RARS1: variants seen among roughly 807,000 people sequenced by gnomAD.
The protein encoded by RARS1 is arginine--tRNA ligase, cytoplasmic.
RARS1 carries 75 observed loss-of-function variants against 78.7 expected under a neutral mutation model. The observed-to-expected ratio is 0.95, with a 90% confidence interval of 0.79 to 1.15. RARS1 has a LOEUF of 1.15. Among genes scored for constraint, RARS1 ranks in the 50% most tolerant of loss-of-function variants. The probability of loss-of-function intolerance (pLI) is 0.00; values close to 1 mark genes in which losing one functional copy is unlikely to be tolerated. For missense variants in RARS1, 787 were observed against 787.5 expected (o/e 1.00, Z 0.01); for synonymous variants, 273 against 268.2 (o/e 1.02, Z -0.18).
At chr5:168,512,390 T>G (rs1758581162) in intron 12 of RARS1, among the ~76,000 whole-genome samples, 1 of 152,120 alleles carries the variant, frequency 6.6e-6, no homozygotes, top group South Asian at 2.1e-4. Context: ...TTAACTTTAT[T>G]AAAAATTGCC....
At chr5:168,491,483 C>A (rs532257731) in intron 2 of RARS1, among the ~76,000 whole-genome samples, 12 of 152,206 alleles carry the variant, frequency 7.9e-5, no homozygotes, top group African/African-American at 2.6e-4. Flanking sequence ...AGAGAGGAGT[C>A]AATTATTGAT....
chr5:168,517,440 G>C (rs928146726), intron 13 of RARS1, among the ~76,000 whole-genome samples: 1 of 152,202 alleles, frequency 6.6e-6, no homozygotes, highest in Non-Finnish European at 1.5e-5. Flanking sequence ...ATCACGCTCA[G>C]CCTAAAGTGT....
chr5:168,489,641 G>A (rs1758041072), intron 2 of RARS1, among the ~76,000 whole-genome samples: 1 of 151,878 alleles, frequency 6.6e-6, no homozygotes, highest in Admixed American at 6.6e-5. Flanking sequence ...TTTCGTATTT[G>A]GTGATGACAT....
chr5:168,500,549 T>A, intron 7 of RARS1, 42 bp from the exon 8 acceptor site: 1 of 1,399,410 alleles, frequency 7.1e-7, no homozygotes, highest in Non-Finnish European at 9.3e-7. Flanking sequence ...CAGGATTAGA[T>A]CTTTTTACAC....
chr5:168,489,691 G>A (rs1490354360), intron 2 of RARS1, among the ~76,000 whole-genome samples: 1 of 151,794 alleles, frequency 6.6e-6, no homozygotes, highest in Non-Finnish European at 1.5e-5. Context: ...TTATTCTCCT[G>A]TGTGTATATA....
intron 11 of RARS1, 97 bp from the exon 12 acceptor site, chr5:168,510,484 G>A: frequency 2.4e-6 from 2 of 817,144 alleles, no homozygotes; most frequent in Non-Finnish European, 4.0e-6. Flanking sequence ...AACATATGTT[G>A]CAGTTTTGTG....
At chr5:168,487,750 T>C (rs1307292912) in intron 1 of RARS1, among the ~76,000 whole-genome samples, 1 of 152,232 alleles carries the variant, frequency 6.6e-6, no homozygotes, top group African/African-American at 2.4e-5. Context: ...AGTTGGAAGC[T>C]TTATTTCTTT....
At position 168,518,080 on chromosome 5, in the gene RARS1, T is replaced by TTTTTTTTTC; in HGVS notation, c.1873+26_1873+27insCTTTTTTTT. 1 of 1,416,150 alleles carries TTTTTTTTTC rather than the reference T, an allele frequency of 7.1e-7. No individual in the cohort carries two copies. The highest frequency in any genetic ancestry group is 9.2e-7 in the Non-Finnish European group (1 of 1,089,038). 87.7% of individuals were successfully genotyped at this position (1,416,150 alleles called of 1,614,324 possible). A position where few individuals can be genotyped will look rare whatever the true frequency, so the allele number is the denominator to read the frequency against. ...ACAGACTGGTGAGTGTCTTTTTTTT[T>TTTTTTTTTC]TTTTTTTTTTTTTTTAGTGAGAGAC... On this transcript the variant is annotated intron_variant, in intron 14 of 14. Transcript: ENST00000231572.
In RARS1 at chr5:168,502,082, T is replaced by C; in HGVS notation, c.1034T>C (p.Ile345Thr). 1.2e-6 allele frequency: 2 copies of C among 1,603,560 alleles called. No homozygotes were observed. The highest frequency in any genetic ancestry group is 1.7e-6 in the Non-Finnish European group (2 of 1,175,304). The change falls in exon 9 of 15, where the codon ATT becomes ACT. Residue 345 changes from isoleucine to threonine, a missense_variant. Coordinates refer to ENST00000231572, the MANE Select transcript of RARS1 (RefSeq NM_002887.4). ...TTCTATCAAGATAGGATGAATGATA[T>C]TGTAAAGGAATTTGAAGATAGAGGT... is the stretch of plus-strand genomic sequence containing the variant. ...ESFYQDRMND[I>T]VKEFEDRGFV...
At chr5:168,509,869 G>A (rs1328839602) in intron 11 of RARS1, among the ~76,000 whole-genome samples, 2 of 151,996 alleles carry the variant, frequency 1.3e-5, no homozygotes, top group Non-Finnish European at 2.9e-5. Context: ...TACTTGGGAG[G>A]GTAAGGTAGA....
chr5:168,494,384 A>T (rs13182927), intron 4 of RARS1, 166 bp from the exon 5 acceptor site: 1 of 985,078 alleles, frequency 1.0e-6, no homozygotes, highest in Non-Finnish European at 1.2e-6. Context: ...CTTGAAGTAG[A>T]CGGTGAGACA....
chr5:168,509,214 T>G (rs1758513088), intron 11 of RARS1, among the ~76,000 whole-genome samples: 1 of 152,202 alleles, frequency 6.6e-6, no homozygotes, highest in Non-Finnish European at 1.5e-5. Context: ...GTTGAACACT[T>G]AAGAAGAAGT....
intron 10 of RARS1, 112 bp from the exon 11 acceptor site, chr5:168,506,609 CA>C (rs1758451598): frequency 1.3e-6 from 1 of 757,686 alleles, no homozygotes; most frequent in Non-Finnish European, 2.1e-6. Flanking sequence ...ACTTGTCTCA[CA>C]AGATTTATGA....
rs1368755034 is a variant in RARS1 at position 168,508,313 on chromosome 5, CT to C, written c.1346+1494del. Among the ~76,000 whole-genome samples, 131 of 143,566 alleles carry C rather than the reference CT, an allele frequency of 9.1e-4. 1 individual carries two copies. The highest frequency in any genetic ancestry group is 1.1e-3 in the Admixed American group (16 of 14,268). The allele number at this position is 143,566 out of a possible 152,430, so 94.2% of individuals were successfully genotyped here. A position where few individuals can be genotyped will look rare whatever the true frequency, so the allele number is the denominator to read the frequency against. The stretch of plus-strand genomic sequence containing the variant: ...AGTTATAGTATCCTATCCCACCCGC[CT>C]TTTTTTTTTTTATTTTTTAAATTTT... On this transcript the variant is annotated intron_variant, in intron 11 of 14. Coordinates refer to ENST00000231572, the MANE Select transcript of RARS1 (RefSeq NM_002887.4).
At chr5:168,513,630 TCTTAGG>T (rs2113029200) in intron 12 of RARS1, among the ~76,000 whole-genome samples, 1 of 151,650 alleles carries the variant, frequency 6.6e-6, no homozygotes, top group East Asian at 1.9e-4. Flanking sequence ...GACTGCCTTT[TCTTAGG>T]CTTATTGGTC....
rs769624083 is a variant in RARS1 at position 168,488,637 on chromosome 5, C to G, written c.81C>G (p.Asp27Glu). 1.2e-6 allele frequency: 2 copies of G among 1,609,892 alleles called. No homozygotes were observed. The highest frequency in any genetic ancestry group is 1.7e-6 in the Non-Finnish European group (2 of 1,179,150). ...TTAAATCTCTGACTGCTGAAATTGA[C>G]CGGTTGAAAAACTGTGGCTGTTTAG... Reference protein sequence around the residue: ...EEIKSLTAEIDRLKNCGCLGA... With the variant: ...EEIKSLTAEIERLKNCGCLGA... Residue 27 changes from aspartate (D) to glutamate (E), a missense_variant, in exon 2 of 15, where the codon GAC becomes GAG. Physicochemically the swap from Asp to Glu is conservative, Grantham distance 45. Coordinates refer to ENST00000231572, the MANE Select transcript of RARS1 (RefSeq NM_002887.4).
chr5:168,492,698 A>T lies in RARS1; in HGVS notation c.220A>T (p.Ile74Phe). The change falls in exon 3 of 15, where the codon ATT (isoleucine) becomes TTT (phenylalanine). Residue 74 changes from isoleucine (I) to phenylalanine (F), a missense_variant. Transcript: ENST00000231572. ...AERNKPTKNM[I>F]NIISRLQEVF... ...AAGGAACAAACCAACTAAAAATATG[A>T]TTAACATTATTAGCCGCCTACAAGA... 6.2e-7 allele frequency: 1 copy of T among 1,611,390 alleles called. No homozygotes were observed. The highest frequency in any genetic ancestry group is 2.2e-5 in the East Asian group (1 of 44,828).
chr5:168,492,922 ATAC>A, intron 3 of RARS1, 75 bp downstream of exon 3: 1 of 1,281,516 alleles, frequency 7.8e-7, no homozygotes. Context: ...TACAGAAATA[ATAC>A]TATTACAAGT....
At chr5:168,499,777 G>T (rs1221656609) in intron 7 of RARS1, among the ~76,000 whole-genome samples, 1 of 151,868 alleles carries the variant, frequency 6.6e-6, no homozygotes, top group African/African-American at 2.4e-5. Context: ...ATCTAGATTT[G>T]TTCATTAAAT....
Sources: gnomAD v4.1 joint callset for allele counts (sites outside exome capture counted in the v4.1 genomes callset) on GRCh38, gnomAD v4.1.1 for gene constraint, MANE v1.5 for transcripts, NCBI Gene and HGNC (gene_info 2026-07-23, HGNC 2026-07-21) for gene names.